Variants in JPH1 observed in about 807,000 individuals in gnomAD.
JPH1 encodes the protein junctophilin-1.
JPH1 carries 12 observed loss-of-function variants against 53.6 expected under a neutral mutation model. That is an observed-to-expected ratio of 0.22 (90% CI 0.14 to 0.36). The LOEUF (loss-of-function observed/expected upper bound fraction) is 0.36, where lower values mean the gene tolerates loss of function less well. Ranked by LOEUF, JPH1 falls within the 10% of genes least tolerant of loss-of-function variation. The pLI, the probability that JPH1 is intolerant of heterozygous loss-of-function variation, is 1.00. For missense variants in JPH1, 808 were observed against 905.5 expected, an observed-to-expected ratio of 0.89 and a Z score of 1.38; for synonymous variants, 375 against 363.8, an observed-to-expected ratio of 1.03 and a Z score of -0.35.
chr8:74,268,704 T>G (rs925806153), intron 2 of JPH1, among the ~76,000 whole-genome samples: 1 of 152,202 alleles, frequency 6.6e-6, no homozygotes, highest in African/African-American at 2.4e-5. Flanking sequence ...GTCAATGCTG[T>G]TTTTGTTCAC....
chr8:74,237,767 C>T (rs866023235), intron 4 of JPH1, among the ~76,000 whole-genome samples: 1 of 152,168 alleles, frequency 6.6e-6, no homozygotes, highest in Non-Finnish European at 1.5e-5. Context: ...AAACTCAAAA[C>T]GAGGTTCTCT....
intron 3 of JPH1, among the ~76,000 whole-genome samples, chr8:74,259,109 T>C (rs1348121631): frequency 6.6e-6 from 1 of 152,196 alleles, no homozygotes; most frequent in Admixed American, 6.5e-5. Context: ...CTATGAAACA[T>C]AAATGAATTT....
rs536008226 is a variant in JPH1 at position 74,270,562 on chromosome 8, T to C, written c.1140-11059A>G. On this transcript the variant is annotated intron_variant, in intron 2 of 5. Transcript: ENST00000342232. Reference sequence around the variant, plus strand: ...GTACCCTTAAAGAAAAGTAACACTTTGGTGCAATTTGGGGAGCAAAGTCAG... The same window carrying C: ...GTACCCTTAAAGAAAAGTAACACTTCGGTGCAATTTGGGGAGCAAAGTCAG... 4.6e-5 allele frequency among the ~76,000 whole-genome samples: 7 copies of C among 152,324 alleles called. No homozygotes were observed. In the South Asian group the frequency reaches 6.2e-4, roughly 14 times the overall value.
Position 74,320,831 on chromosome 8 carries a change from TC to T in JPH1, c.379+77del. On this transcript the variant is annotated intron_variant, in intron 1 of 5. Coordinates refer to ENST00000342232, the MANE Select transcript of JPH1 (RefSeq NM_020647.4). The surrounding 1 kb of genome is among the most constrained non-coding windows in gnomAD (Gnocchi z 4.4). The stretch of plus-strand genomic sequence containing the variant: ...TTCCGGACACGTGCGCCCGGCGTCC[TC>T]CCCGCTTCCCCGCAGCCGGGGCAGA... 7.1e-7 allele frequency: 1 copy of T among 1,405,248 alleles called. No homozygotes were observed. The allele number at this position is 1,405,248 out of a possible 1,614,324, so 87.0% of individuals were successfully genotyped here.
At chr8:74,302,264 GCATCTACATTGTTTCCTTAT>G (rs1807705465) in intron 2 of JPH1, among the ~76,000 whole-genome samples, 1 of 152,144 alleles carries the variant, frequency 6.6e-6, no homozygotes, top group Non-Finnish European at 1.5e-5. Flanking sequence ...AAACCTAGCA[GCATCTACATTGTTTCCTTAT>G]CTGGAAACAC....
rs942046573 is a variant in JPH1 at position 74,318,715 on chromosome 8, G to A, written c.379+2194C>T. On this transcript the variant is annotated intron_variant, in intron 1 of 5. Transcript: ENST00000342232. ...CCCTGAATCTGATACAGGGTGTACA[G>A]GGATGGACATGTGGCGATGGGGAGA... Among the ~76,000 whole-genome samples the A allele has an allele frequency of 2.6e-5, 4 of 152,294 alleles. No homozygotes were observed. The South Asian group carries it at 8.3e-4, about 32-fold the overall frequency.
intron 3 of JPH1, among the ~76,000 whole-genome samples, chr8:74,246,481 T>C (rs1180618984): frequency 6.6e-6 from 1 of 152,310 alleles, no homozygotes; most frequent in South Asian, 2.1e-4. Flanking sequence ...AATAAGTTAT[T>C]GTAATGAGGC....
chr8:74,242,531 A>T (rs1402915620), intron 4 of JPH1, among the ~76,000 whole-genome samples: 1 of 152,232 alleles, frequency 6.6e-6, no homozygotes, highest in African/African-American at 2.4e-5. Flanking sequence ...TGTCTAACTT[A>T]TACAGTGTCT....
chr8:74,250,682 A>ATTC (rs1554534487), intron 3 of JPH1, among the ~76,000 whole-genome samples: 1 of 152,116 alleles, frequency 6.6e-6, no homozygotes, highest in Non-Finnish European at 1.5e-5. Context: ...GCCCAAGACA[A>ATTC]TTCTTCTTCT....
chr8:74,282,814 C>T (rs540280498), intron 2 of JPH1, among the ~76,000 whole-genome samples: 54 of 152,266 alleles, frequency 3.5e-4, no homozygotes, highest in African/African-American at 5.5e-4. Context: ...GGACCGGGAA[C>T]GTTTCCAACA....
intron 2 of JPH1, among the ~76,000 whole-genome samples, chr8:74,308,467 A>C (rs909868868): frequency 5.3e-5 from 8 of 152,358 alleles, no homozygotes; most frequent in African/African-American, 1.9e-4. Flanking sequence ...GGTTTTGCCC[A>C]GCAAAACAAA....
chr8:74,287,236 AG>A (rs1807192498), intron 2 of JPH1, among the ~76,000 whole-genome samples: 1 of 152,164 alleles, frequency 6.6e-6, no homozygotes, highest in Non-Finnish European at 1.5e-5. Context: ...GTTTGAGACC[AG>A]CCTGGCCAAC....
chr8:74,280,867 G>A (rs982735906), intron 2 of JPH1, among the ~76,000 whole-genome samples: 1 of 152,134 alleles, frequency 6.6e-6, no homozygotes, highest in Non-Finnish European at 1.5e-5. Context: ...AGCACTTTAT[G>A]AACAAATCAT....
At chr8:74,299,009 C>T (rs554472963) in intron 2 of JPH1, among the ~76,000 whole-genome samples, 47 of 152,296 alleles carry the variant, frequency 3.1e-4, no homozygotes, top group African/African-American at 1.1e-3. Flanking sequence ...GCCACGAAGA[C>T]GACACTGCCC....
At chr8:74,296,495 T>C (rs1405296609) in intron 2 of JPH1, among the ~76,000 whole-genome samples, 2 of 152,234 alleles carry the variant, frequency 1.3e-5, no homozygotes, top group Non-Finnish European at 2.9e-5. Flanking sequence ...CTAAAAGTTA[T>C]TTAGAATTTA....
intron 3 of JPH1, among the ~76,000 whole-genome samples, chr8:74,253,765 C>A (rs1170138995): frequency 6.6e-6 from 1 of 152,074 alleles, no homozygotes; most frequent in South Asian, 2.1e-4. Context: ...CTATAAACAC[C>A]TATACACAAA....
chr8:74,287,772 AC>A (rs1318318134), intron 2 of JPH1, among the ~76,000 whole-genome samples: 1 of 151,870 alleles, frequency 6.6e-6, no homozygotes, highest in African/African-American at 2.4e-5. Flanking sequence ...ATTCACATCC[AC>A]TGTTTTGGCA....
intron 4 of JPH1, among the ~76,000 whole-genome samples, chr8:74,238,100 GTGGTATT>G (rs1167069656): frequency 3.9e-5 from 6 of 152,142 alleles, no homozygotes; most frequent in Non-Finnish European, 8.8e-5. Context: ...AGACATGATT[GTGGTATT>G]TACTGTTAAA....
At chr8:74,267,321 A>C (rs143401499) in intron 2 of JPH1, among the ~76,000 whole-genome samples, 31 of 152,360 alleles carry the variant, frequency 2.0e-4, no homozygotes, top group African/African-American at 7.5e-4. Flanking sequence ...TGGGTGAAGG[A>C]AACAAGAAGG....
Sources: gnomAD v4.1 joint callset for allele counts (sites outside exome capture counted in the v4.1 genomes callset) on GRCh38, gnomAD v4.1.1 for gene constraint, Gnocchi (gnomAD v3.1) non-coding constraint, MANE v1.5 for transcripts, NCBI Gene and HGNC (gene_info 2026-07-23, HGNC 2026-07-21) for gene names.